SMAD6: variants seen among roughly 807,000 people sequenced by gnomAD.
The protein encoded by SMAD6 is MAD homolog 6.
In SMAD6, 103 loss-of-function variants were observed where a neutral mutation model predicts 39.4. The ratio of observed to expected loss-of-function variants is 2.62; its 90% confidence interval spans 2.23 to 3.08. The LOEUF (loss-of-function observed/expected upper bound fraction) is 3.08. Among genes scored for constraint, SMAD6 ranks in the 30% most tolerant of loss-of-function variants. SMAD6 has a pLI of 0.00. For synonymous variants in SMAD6, 445 were observed against 353.3 expected (o/e 1.26, Z -2.91); for missense variants, 1,104 against 742.9 (o/e 1.49, Z -5.65).
intron 3 of SMAD6, among the ~76,000 whole-genome samples, chr15:66,738,547 T>C (rs902376506): frequency 6.6e-6 from 1 of 152,210 alleles, no homozygotes; most frequent in Non-Finnish European, 1.5e-5. Context: ...CTCATGCACA[T>C]ATTTCCACTT....
chr15:66,760,355 G>A lies in SMAD6; in HGVS notation c.953-20642G>A, dbSNP rs1051782918. On this transcript the variant is annotated intron_variant, in intron 3 of 3. Coordinates refer to ENST00000288840, the MANE Select transcript of SMAD6 (RefSeq NM_005585.5). ...GTGGAATCCAGAGAAGGGAAGGAAG[G>A]CAGCATGGGGGGAAGACTCCCTGCG... Among the ~76,000 whole-genome samples the A allele has an allele frequency of 3.3e-5, 5 of 152,288 alleles. No homozygotes were observed. The South Asian group carries it at 1.0e-3, about 32-fold the overall frequency.
intron 2 of SMAD6, among the ~76,000 whole-genome samples, chr15:66,712,232 A>G (rs142796023): frequency 1.6e-4 from 24 of 152,300 alleles, no homozygotes; most frequent in African/African-American, 5.8e-4. Flanking sequence ...TTAAAAAGGA[A>G]TGTATATTGG....
intron 3 of SMAD6, among the ~76,000 whole-genome samples, chr15:66,731,873 C>T (rs1267438950): frequency 6.6e-6 from 1 of 152,086 alleles, no homozygotes; most frequent in Non-Finnish European, 1.5e-5. Flanking sequence ...ATATCCTCCC[C>T]AGCACTTGAT....
In SMAD6 at chr15:66,780,739, A is replaced by G. The variant is rs79193434; in HGVS notation, c.953-258A>G. 7.9e-3 allele frequency among the ~76,000 whole-genome samples: 1,204 copies of G among 152,326 alleles called. 89 individuals are homozygous for G. The East Asian group carries it at 0.17, about 21-fold the overall frequency. On this transcript the variant is annotated intron_variant, in intron 3 of 3. Coordinates refer to ENST00000288840, the MANE Select transcript of SMAD6 (RefSeq NM_005585.5). ...CTGCGTCCGCAGCATCTAGCACACA[A>G]CAGGTGCTCTCTGGCTTGCACTCTG...
chr15:66,753,437 G>C (rs1424824439), intron 3 of SMAD6, among the ~76,000 whole-genome samples: 4 of 152,224 alleles, frequency 2.6e-5, no homozygotes, highest in Non-Finnish European at 4.4e-5. Flanking sequence ...TGCTGCTCTA[G>C]GCACCATCTG....
intron 3 of SMAD6, among the ~76,000 whole-genome samples, chr15:66,724,163 G>A (rs1382554070): frequency 6.6e-6 from 1 of 152,158 alleles, no homozygotes; most frequent in African/African-American, 2.4e-5. Context: ...GAACACTAGA[G>A]GAATGAGCTG....
chr15:66,713,572 C>A (rs1487181915), intron 2 of SMAD6, among the ~76,000 whole-genome samples: 3 of 152,226 alleles, frequency 2.0e-5, no homozygotes, highest in Non-Finnish European at 4.4e-5. Flanking sequence ...CCCTCCTTGG[C>A]CTCCCAAAGT....
chr15:66,758,092 G>GA (rs1417696345), intron 3 of SMAD6, among the ~76,000 whole-genome samples: 1 of 152,196 alleles, frequency 6.6e-6, no homozygotes, highest in Non-Finnish European at 1.5e-5. Context: ...GCAGTGGCAG[G>GA]AAAGTGTGAC....
intron 3 of SMAD6, among the ~76,000 whole-genome samples, chr15:66,761,843 C>G (rs1333313098): frequency 6.6e-6 from 1 of 152,192 alleles, no homozygotes; most frequent in East Asian, 1.9e-4. Flanking sequence ...TCCACGGCAC[C>G]CTGTACTTTT....
intron 2 of SMAD6, among the ~76,000 whole-genome samples, chr15:66,715,281 C>T (rs1443947319): frequency 1.6e-5 from 2 of 125,038 alleles, no homozygotes; most frequent in African/African-American, 6.0e-5. Flanking sequence ...AAGTGGAAAA[C>T]GAGAGAGGAA....
At position 66,781,020 on chromosome 15, in the gene SMAD6, A is replaced by G. The variant is rs747009304; in HGVS notation, c.976A>G (p.Thr326Ala). The G allele has an allele frequency of 1.9e-6, 3 of 1,583,712 alleles. No homozygotes were observed. In the Admixed American group the frequency reaches 5.1e-5, roughly 27 times the overall value. The stretch of plus-strand genomic sequence containing the variant: ...AGACGCCAGCATGTCTCCGGACGCC[A>G]CCAAGCCGAGCCACTGGTGCAGCGT... The part of the protein sequence containing the change: ...FSDASMSPDA[T>A]KPSHWCSVAY... The change falls in exon 4 of 4, where the codon ACC becomes GCC. Residue 326 changes from threonine to alanine, a missense_variant. Coordinates refer to ENST00000288840, the MANE Select transcript of SMAD6 (RefSeq NM_005585.5).
At chr15:66,734,653 G>A (rs1186389286) in intron 3 of SMAD6, among the ~76,000 whole-genome samples, 3 of 152,196 alleles carry the variant, frequency 2.0e-5, no homozygotes, top group South Asian at 2.1e-4. Context: ...CAGATAGCAA[G>A]TGAAAGAGCT....
intron 3 of SMAD6, among the ~76,000 whole-genome samples, chr15:66,726,128 C>A (rs1231652087): frequency 6.6e-6 from 1 of 152,178 alleles, no homozygotes; most frequent in South Asian, 2.1e-4. Flanking sequence ...CAGGCCCCTT[C>A]TCTGCACCTG....
chr15:66,752,986 A>G (rs1397783418), intron 3 of SMAD6, among the ~76,000 whole-genome samples: 1 of 152,180 alleles, frequency 6.6e-6, no homozygotes, highest in Admixed American at 6.5e-5. Flanking sequence ...CTAAAGGCAT[A>G]CATGTGCTGC....
chr15:66,744,230 CTG>C (rs1216563621), intron 3 of SMAD6, among the ~76,000 whole-genome samples: 1 of 152,182 alleles, frequency 6.6e-6, no homozygotes, highest in Non-Finnish European at 1.5e-5. Context: ...AACCGCGGCT[CTG>C]GGAGCGACTT....
intron 3 of SMAD6, among the ~76,000 whole-genome samples, chr15:66,751,766 C>T (rs1009201884): frequency 6.6e-6 from 1 of 152,234 alleles, no homozygotes; most frequent in African/African-American, 2.4e-5. Flanking sequence ...CCCACACCTG[C>T]ATGGTGCCAG....
chr15:66,774,266 G>T (rs1036566941), intron 3 of SMAD6, among the ~76,000 whole-genome samples: 2 of 152,230 alleles, frequency 1.3e-5, no homozygotes, highest in Non-Finnish European at 2.9e-5. Flanking sequence ...TGTTTTGACA[G>T]AGAACTGCTG....
At chr15:66,728,629 A>C (rs1464562954) in intron 3 of SMAD6, among the ~76,000 whole-genome samples, 1 of 151,430 alleles carries the variant, frequency 6.6e-6, no homozygotes, top group East Asian at 1.9e-4. Flanking sequence ...CTGGTCTCGA[A>C]CTCCTGACCT....
chr15:66,726,829 C>A (rs1893529362), intron 3 of SMAD6, among the ~76,000 whole-genome samples: 1 of 152,122 alleles, frequency 6.6e-6, no homozygotes, highest in Non-Finnish European at 1.5e-5. Context: ...AAAGCTTAGA[C>A]CCCATTCCAA....
Sources: gnomAD v4.1 joint callset for allele counts (sites outside exome capture counted in the v4.1 genomes callset) on GRCh38, gnomAD v4.1.1 for gene constraint, MANE v1.5 for transcripts, NCBI Gene and HGNC (gene_info 2026-07-23, HGNC 2026-07-21) for gene names.